The following RP1 variants were observed in gnomAD, a reference collection of about 807,000 sequenced individuals.
RP1 encodes oxygen-regulated protein 1.
A neutral mutation model predicts 14.8 loss-of-function variants in RP1; 16 were observed. That is an observed-to-expected ratio of 1.08 (90% CI 0.73 to 1.65). The LOEUF (loss-of-function observed/expected upper bound fraction) is 1.65, where lower values mean the gene tolerates loss of function less well. Among genes scored for constraint, RP1 ranks in the 40% most tolerant of loss-of-function variants. The probability of loss-of-function intolerance (pLI) is 0.00; values close to 1 mark genes in which losing one functional copy is unlikely to be tolerated. For synonymous variants in RP1, 876 were observed against 883.6 expected, an observed-to-expected ratio of 0.99 and a Z score of 0.15; for missense variants, 2,631 against 2,535.0, an observed-to-expected ratio of 1.04 and a Z score of -0.81.
Position 54,627,588 on chromosome 8 carries a change from G to C in RP1, c.3706G>C (p.Asp1236His), listed in dbSNP as rs1806105470. Reference protein sequence around the residue: ...NERTQGISSLDGGCSASEACA... With the variant: ...NERTQGISSLHGGCSASEACA... ...AAGAACACAAGGAATCTCCTCTTTG[G>C]ATGGAGGTTGCTCTGCCAGTGAGGC... Residue 1236 changes from aspartate to histidine, a missense_variant, in exon 4 of 4, where the codon GAT becomes CAT. Transcript: ENST00000220676. The C allele has an allele frequency of 1.9e-6, 3 of 1,614,178 alleles. No individual in the cohort carries two copies. The highest frequency in any genetic ancestry group is 2.7e-5 in the African/African-American group (2 of 75,060).
chr8:54,585,406 C>T (rs1319591487), intron 1 of RP1, among the ~76,000 whole-genome samples: 2 of 152,182 alleles, frequency 1.3e-5, no homozygotes, highest in African/African-American at 4.8e-5. Context: ...GTGACCCGAC[C>T]TTTCTCTCTG....
downstream of RP1, among the ~76,000 whole-genome samples, chr8:54,773,801 A>G (rs925192900): frequency 6.6e-6 from 1 of 152,170 alleles, no homozygotes; most frequent in East Asian, 1.9e-4. Context: ...AGCTTCCTAC[A>G]TGCACTCAGG....
intron 18 of RP1, among the ~76,000 whole-genome samples, chr8:54,737,924 G>C (rs1007283059): frequency 6.6e-6 from 1 of 152,062 alleles, no homozygotes; most frequent in African/African-American, 2.4e-5. Context: ...ATTGGTGCCT[G>C]TAGTAGAAAT....
chr8:54,751,760 G>A (rs1809377341), intron 19 of RP1, among the ~76,000 whole-genome samples: 1 of 152,142 alleles, frequency 6.6e-6, no homozygotes. Context: ...TAATTTAACG[G>A]TTGAAAAAAT....
chr8:54,746,173 T>A (rs1809219969), intron 19 of RP1, among the ~76,000 whole-genome samples: 1 of 152,232 alleles, frequency 6.6e-6, no homozygotes, highest in African/African-American at 2.4e-5. Context: ...GAATGCTTTT[T>A]TTTGGGGGAA....
intron 15 of RP1, among the ~76,000 whole-genome samples, chr8:54,710,950 G>A (rs999198168): frequency 2.6e-5 from 4 of 152,172 alleles, no homozygotes; most frequent in African/African-American, 9.7e-5. Context: ...TTCACTTTGG[G>A]CTGTGGGTTT....
intron 24 of RP1, among the ~76,000 whole-genome samples, chr8:54,831,153 T>C (rs1479639663): frequency 6.6e-6 from 1 of 152,092 alleles, no homozygotes. Context: ...ATAGACTTTG[T>C]TGCTCTGAAT....
At chr8:54,774,984 G>T (rs1358668828) in intron 23 of RP1, among the ~76,000 whole-genome samples, 1 of 152,016 alleles carries the variant, frequency 6.6e-6, no homozygotes, top group Non-Finnish European at 1.5e-5. Flanking sequence ...TTTGTTGTGG[G>T]GGACTGTCAT....
At chr8:54,787,834 T>C (rs112297048) in intron 24 of RP1, among the ~76,000 whole-genome samples, 14 of 152,204 alleles carry the variant, frequency 9.2e-5, no homozygotes, top group Non-Finnish European at 1.0e-4. Context: ...AAACAATTTA[T>C]ATCACCAGCA....
chr8:54,705,283 G>A (rs1237232786), intron 14 of RP1, among the ~76,000 whole-genome samples: 1 of 152,130 alleles, frequency 6.6e-6, no homozygotes, highest in African/African-American at 2.4e-5. Context: ...AATTGGCTAA[G>A]CAAAGAGACA....
At chr8:54,599,184 A>G (rs1805215366) in intron 1 of RP1, among the ~76,000 whole-genome samples, 1 of 151,936 alleles carries the variant, frequency 6.6e-6, no homozygotes. Context: ...CTATTGTACT[A>G]CCTTCAAGAT....
At chr8:54,733,294 G>A (rs1343371354) in intron 17 of RP1, among the ~76,000 whole-genome samples, 1 of 152,094 alleles carries the variant, frequency 6.6e-6, no homozygotes, top group African/African-American at 2.4e-5. Flanking sequence ...AGGATTGAAT[G>A]AGAAATGCAT....
chr8:54,749,583 C>A (rs1053037341), intron 19 of RP1, among the ~76,000 whole-genome samples: 1 of 152,020 alleles, frequency 6.6e-6, no homozygotes, highest in Non-Finnish European at 1.5e-5. Flanking sequence ...AGAGAAGGGG[C>A]TCAGGGAGGA....
intron 23 of RP1, among the ~76,000 whole-genome samples, chr8:54,775,252 T>C (rs1810005151): frequency 6.6e-6 from 1 of 152,196 alleles, no homozygotes. Flanking sequence ...TGTCTGTGAC[T>C]GCAGCATTTC....
rs547242260 is a variant in RP1, at chr8:54,586,301, G to A, written c.-13+26981G>A. On this transcript the variant is annotated intron_variant, in intron 1 of 22. Transcript: ENST00000636932. ...TGCCTGGGTATCAGCAGCAGAGGCT[G>A]CAGAACAGTGGATATTGGTGAACAG... Among the ~76,000 whole-genome samples the A allele has an allele frequency of 5.9e-5, 9 of 152,296 alleles. No homozygotes were observed. In the South Asian group the frequency reaches 1.0e-3, roughly 18 times the overall value.
At chr8:54,751,833 G>A (rs912679236) in intron 19 of RP1, among the ~76,000 whole-genome samples, 13 of 151,914 alleles carry the variant, frequency 8.6e-5, no homozygotes, top group African/African-American at 3.1e-4. Context: ...TTTCTGTTTC[G>A]AGCCATCATG....
At chr8:54,584,423 ATGTGGTCAATTT>A (rs769827882) in intron 1 of RP1, among the ~76,000 whole-genome samples, 16 of 152,110 alleles carry the variant, frequency 1.1e-4, no homozygotes, top group Non-Finnish European at 2.2e-4. Context: ...ACTTCCAACT[ATGTGGTCAATTT>A]TGGAATAGGT....
chr8:54,726,882 G>A (rs987955177), intron 17 of RP1, among the ~76,000 whole-genome samples: 14 of 151,666 alleles, frequency 9.2e-5, no homozygotes, highest in Admixed American at 4.6e-4. Flanking sequence ...AAGTGCTCTC[G>A]GTCCCAGAGG....
chr8:54,597,525 C>T (rs979396543), intron 1 of RP1, among the ~76,000 whole-genome samples: 1 of 152,156 alleles, frequency 6.6e-6, no homozygotes, highest in African/African-American at 2.4e-5. Flanking sequence ...CCTCACCATT[C>T]AGTTCCCATG....
Sources: gnomAD v4.1 joint callset for allele counts (sites outside exome capture counted in the v4.1 genomes callset) on GRCh38, gnomAD v4.1.1 for gene constraint, MANE v1.5 for transcripts, NCBI Gene and HGNC (gene_info 2026-07-23, HGNC 2026-07-21) for gene names.